SUGCT: variants seen among roughly 807,000 people sequenced by gnomAD.
The protein encoded by SUGCT is succinyl-CoA:glutarate CoA-transferase.
A neutral mutation model predicts 55.0 loss-of-function variants in SUGCT; 41 were observed. The observed-to-expected ratio is 0.74, with a 90% CI of 0.58 to 0.97. The LOEUF (loss-of-function observed/expected upper bound fraction) is 0.97, where lower values mean the gene tolerates loss of function less well. SUGCT is among the 50% of genes least tolerant of loss of function. The probability of loss-of-function intolerance (pLI) is 0.00; values close to 1 mark genes in which losing one functional copy is unlikely to be tolerated. For missense variants in SUGCT, 568 were observed against 547.8 expected (o/e 1.04, Z -0.37); for synonymous variants, 187 against 200.4 (o/e 0.93, Z 0.56).
At chr7:40,205,179 C>T (rs552191361) in intron 6 of SUGCT, among the ~76,000 whole-genome samples, 7 of 151,592 alleles carry the variant, frequency 4.6e-5, no homozygotes, top group Admixed American at 1.3e-4. Context: ...CGCTTGAACC[C>T]AGGAGGTGGA....
At chr7:40,807,154 TAGAG>T (rs1189213765) in intron 13 of SUGCT, among the ~76,000 whole-genome samples, 2 of 152,214 alleles carry the variant, frequency 1.3e-5, no homozygotes, top group African/African-American at 4.8e-5. Context: ...TCCCAGAAGT[TAGAG>T]AGAATCATTA....
chr7:40,338,248 G>T (rs1340071614), intron 9 of SUGCT, among the ~76,000 whole-genome samples: 1 of 152,128 alleles, frequency 6.6e-6, no homozygotes, highest in African/African-American at 2.4e-5. Context: ...TTCTCGAGGA[G>T]TATCTTTGTG....
chr7:40,349,955 T>C (rs1797528135), intron 9 of SUGCT, among the ~76,000 whole-genome samples: 1 of 152,234 alleles, frequency 6.6e-6, no homozygotes, highest in Admixed American at 6.5e-5. Flanking sequence ...CCCAAAGTGC[T>C]GGGATTACAG....
At chr7:40,246,633 G>A (rs1789900420) in intron 7 of SUGCT, among the ~76,000 whole-genome samples, 1 of 143,482 alleles carries the variant, frequency 7.0e-6, no homozygotes, top group Non-Finnish European at 1.5e-5. Flanking sequence ...GTCTCACTCT[G>A]TTGCCCAGAC....
intron 13 of SUGCT, among the ~76,000 whole-genome samples, chr7:40,806,746 A>T (rs532429774): frequency 8.9e-4 from 136 of 152,300 alleles, no homozygotes; most frequent in Non-Finnish European, 1.5e-3. Flanking sequence ...ATTAAAATCA[A>T]TAATATTGGT....
At chr7:40,295,876 A>G (rs1794108619) in intron 8 of SUGCT, among the ~76,000 whole-genome samples, 1 of 152,132 alleles carries the variant, frequency 6.6e-6, no homozygotes, top group South Asian at 2.1e-4. Context: ...TAATTGCTGC[A>G]TCCGTTTCTT....
At chr7:40,341,140 G>A (rs1797020945) in intron 9 of SUGCT, among the ~76,000 whole-genome samples, 1 of 152,162 alleles carries the variant, frequency 6.6e-6, no homozygotes, top group Non-Finnish European at 1.5e-5. Flanking sequence ...GAAACCTACT[G>A]AGGAGACCCT....
chr7:40,869,005 AAAATTAGCATTGATAT>A, the SUGCT span, among the ~76,000 whole-genome samples: 1 of 152,234 alleles, frequency 6.6e-6, no homozygotes, highest in Non-Finnish European at 1.5e-5. Flanking sequence ...TGTAAACTGG[AAAATTAGCATTGATAT>A]AATCCTATTA....
At chr7:40,969,574 CT>C in the SUGCT span, among the ~76,000 whole-genome samples, 1 of 152,098 alleles carries the variant, frequency 6.6e-6, no homozygotes, top group Non-Finnish European at 1.5e-5. Flanking sequence ...CCAGGCTGGT[CT>C]TGAACTCCTG....
chr7:40,754,378 C>G (rs1407090708), intron 13 of SUGCT, among the ~76,000 whole-genome samples: 1 of 152,154 alleles, frequency 6.6e-6, no homozygotes, highest in Middle Eastern at 3.2e-3. Flanking sequence ...GCACAATGTA[C>G]TAATTTGCTC....
chr7:40,709,971 G>A (rs1028161941), intron 12 of SUGCT, among the ~76,000 whole-genome samples: 11 of 152,154 alleles, frequency 7.2e-5, no homozygotes, highest in Non-Finnish European at 7.3e-5. Flanking sequence ...ACTGAAGATT[G>A]CCTTGAAGAC....
At chr7:40,509,710 A>C (rs1180569787) in intron 12 of SUGCT, among the ~76,000 whole-genome samples, 1 of 151,856 alleles carries the variant, frequency 6.6e-6, no homozygotes, top group East Asian at 1.9e-4. Context: ...TTGTGTGTTG[A>C]GTTCAGACCA....
chr7:40,879,997 C>T, the SUGCT span, among the ~76,000 whole-genome samples: 1 of 152,170 alleles, frequency 6.6e-6, no homozygotes, highest in Non-Finnish European at 1.5e-5. Context: ...ATACTCTGTT[C>T]CTTGAAAGAA....
the SUGCT span, among the ~76,000 whole-genome samples, chr7:41,009,142 A>G: frequency 6.9e-6 from 1 of 145,384 alleles, no homozygotes; most frequent in African/African-American, 2.5e-5. Context: ...TGAGCCCAGG[A>G]GTTTAAGGTT....
chr7:40,208,393 A>G (rs1787123345), intron 6 of SUGCT, among the ~76,000 whole-genome samples: 1 of 152,212 alleles, frequency 6.6e-6, no homozygotes, highest in East Asian at 1.9e-4. Flanking sequence ...AAAGGAAAGA[A>G]TAGTCTAAAC....
intron 11 of SUGCT, among the ~76,000 whole-genome samples, chr7:40,462,717 G>A (rs991439599): frequency 6.6e-6 from 1 of 152,148 alleles, no homozygotes; most frequent in Non-Finnish European, 1.5e-5. Context: ...CTGAGCACTA[G>A]GGATATAGCA....
At chr7:40,918,629 A>C in the SUGCT span, among the ~76,000 whole-genome samples, 1 of 152,166 alleles carries the variant, frequency 6.6e-6, no homozygotes, top group Non-Finnish European at 1.5e-5. Flanking sequence ...GTTGAAATGC[A>C]ATGGAACCCA....
chr7:40,260,321 A>G (rs1255878846), intron 7 of SUGCT, among the ~76,000 whole-genome samples: 1 of 152,174 alleles, frequency 6.6e-6, no homozygotes, highest in East Asian at 1.9e-4. Flanking sequence ...TTCCTTTTGT[A>G]TATCTAGAAT....
At chr7:40,567,308 G>A (rs971501878) in intron 12 of SUGCT, among the ~76,000 whole-genome samples, 3 of 152,186 alleles carry the variant, frequency 2.0e-5, no homozygotes, top group African/African-American at 4.8e-5. Context: ...GGAGTTGTGT[G>A]TGCATTAAAA....
Sources: gnomAD v4.1 joint callset for allele counts (sites outside exome capture counted in the v4.1 genomes callset) on GRCh38, gnomAD v4.1.1 for gene constraint, MANE v1.5 for transcripts, NCBI Gene and HGNC (gene_info 2026-07-23, HGNC 2026-07-21) for gene names.